The following ABCB1 variants were observed in gnomAD, a reference collection of about 807,000 sequenced individuals.
The protein encoded by ABCB1 is ATP-dependent translocase ABCB1.
In ABCB1, 69 loss-of-function variants were observed where a neutral mutation model predicts 142.0. The ratio of observed to expected loss-of-function variants is 0.49; its 90% CI spans 0.40 to 0.59. The LOEUF (loss-of-function observed/expected upper bound fraction) is 0.59. Among genes scored for constraint, ABCB1 ranks in the 20% least tolerant of loss-of-function variants. ABCB1 has a pLI of 0.00. For synonymous variants in ABCB1, 532 were observed against 539.2 expected, an observed-to-expected ratio of 0.99 and a Z score of 0.18; for missense variants, 1,326 against 1,554.7, an observed-to-expected ratio of 0.85 and a Z score of 2.47.
intron 21 of ABCB1, among the ~76,000 whole-genome samples, chr7:87,526,324 C>T (rs1815781970): frequency 6.6e-6 from 1 of 151,998 alleles, no homozygotes; most frequent in South Asian, 2.1e-4. Flanking sequence ...TCTGGTGGCT[C>T]TCTACCATAG....
At chr7:87,641,249 G>C (rs1254194258) in intron 1 of ABCB1, among the ~76,000 whole-genome samples, 3 of 152,122 alleles carry the variant, frequency 2.0e-5, no homozygotes, top group Non-Finnish European at 4.4e-5. Context: ...GTAAACAGAT[G>C]GAATGCACCA....
chr7:87,669,221 C>T (rs573878403), intron 1 of ABCB1, among the ~76,000 whole-genome samples: 114 of 152,056 alleles, frequency 7.5e-4, no homozygotes, highest in African/African-American at 2.6e-3. Flanking sequence ...AATCCTTTAC[C>T]ATTAAGTAAT....
At chr7:87,671,173 G>A (rs1020477203) in intron 1 of ABCB1, among the ~76,000 whole-genome samples, 3 of 152,220 alleles carry the variant, frequency 2.0e-5, no homozygotes, top group Non-Finnish European at 4.4e-5. Context: ...CACAAGCACT[G>A]TGGGGTGTGT....
intron 1 of ABCB1, among the ~76,000 whole-genome samples, chr7:87,678,179 TGA>T (rs1285101489): frequency 6.6e-6 from 1 of 152,188 alleles, no homozygotes; most frequent in Non-Finnish European, 1.5e-5. Context: ...TCTTTCAATA[TGA>T]CTACTCAAGC....
intron 3 of ABCB1, among the ~76,000 whole-genome samples, chr7:87,595,456 C>G (rs2188525): frequency 6.6e-6 from 1 of 152,042 alleles, no homozygotes; most frequent in Non-Finnish European, 1.5e-5. Flanking sequence ...CCATTAAAGA[C>G]AGCATTCTAT....
chr7:87,709,138 C>A (rs1370802200), intron 1 of ABCB1: 5 of 387,368 alleles, frequency 1.3e-5, no homozygotes, highest in Non-Finnish European at 1.8e-5. Flanking sequence ...GGATTCCATA[C>A]ACATTCAAAT....
chr7:87,626,244 A>G (rs1426259936), intron 1 of ABCB1, among the ~76,000 whole-genome samples: 3 of 55,300 alleles, frequency 5.4e-5, no homozygotes, highest in Non-Finnish European at 7.8e-5. Flanking sequence ...TGTGTCATAT[A>G]TATGTCATAT....
intron 21 of ABCB1, chr7:87,521,411 G>T: frequency 1.5e-6 from 1 of 646,474 alleles, no homozygotes; most frequent in South Asian, 1.8e-5. Context: ...CTTTCTGCCC[G>T]TGGACGCCAC....
At chr7:87,593,362 A>G (rs535609114) in intron 3 of ABCB1, among the ~76,000 whole-genome samples, 129 of 152,090 alleles carry the variant, frequency 8.5e-4, no homozygotes, top group African/African-American at 3.1e-3. Context: ...TCTGATATAA[A>G]TTTAAAAGGC....
At chr7:87,650,217 G>A (rs1823441508) in intron 1 of ABCB1, among the ~76,000 whole-genome samples, 1 of 152,074 alleles carries the variant, frequency 6.6e-6, no homozygotes, top group African/African-American at 2.4e-5. Flanking sequence ...GATTTTAATG[G>A]GGACAATTAG....
At chr7:87,710,044 A>G (rs894509105) in intron 1 of ABCB1, among the ~76,000 whole-genome samples, 7 of 152,160 alleles carry the variant, frequency 4.6e-5, no homozygotes, top group Non-Finnish European at 4.4e-5. Flanking sequence ...CCCAAATTCA[A>G]TAGCTCATGA....
intron 1 of ABCB1, among the ~76,000 whole-genome samples, chr7:87,680,289 G>A (rs1016176279): frequency 6.6e-6 from 1 of 150,562 alleles, no homozygotes; most frequent in African/African-American, 2.5e-5. Flanking sequence ...ATAGACATTT[G>A]GGTTGGTTCC....
chr7:87,625,563 T>C (rs571206597), intron 1 of ABCB1, among the ~76,000 whole-genome samples: 2 of 152,356 alleles, frequency 1.3e-5, no homozygotes, highest in African/African-American at 4.8e-5. Context: ...TGCAGTTTTA[T>C]CTGTGGTTAA....
rs1237225413 is a variant in ABCB1 at position 87,626,336 on chromosome 7, G to GTATATGTGTCATATATATGTGTCATA, written c.-330-25284_-330-25259dup. On this transcript the variant is annotated intron_variant, in intron 1 of 28. Coordinates refer to the ABCB1 transcript ENST00000265724. ...CGTATATGTGTCATATATATGTGTC[G>GTATATGTGTCATATATATGTGTCATA]TATATGTGTCATATATATGTGTCAT... Among the ~76,000 whole-genome samples, 2 of 12,164 alleles carry GTATATGTGTCATATATATGTGTCATA rather than the reference G, an allele frequency of 1.6e-4. 1 individual carries two copies. The highest frequency in any genetic ancestry group is 2.5e-4 in the Non-Finnish European group (2 of 8,002). 8.0% of individuals were successfully genotyped at this position (12,164 alleles called of 152,430 possible).
chr7:87,561,491 T>G, intron 7 of ABCB1, 104 bp from the exon 8 acceptor site: 2 of 1,156,526 alleles, frequency 1.7e-6, no homozygotes, highest in Admixed American at 4.4e-5. Flanking sequence ...CATTAATGCA[T>G]GTGTAGAGCA....
At chr7:87,609,462 A>G (rs1819775238) in intron 1 of ABCB1, among the ~76,000 whole-genome samples, 1 of 152,138 alleles carries the variant, frequency 6.6e-6, no homozygotes, top group Non-Finnish European at 1.5e-5. Context: ...GAACTTGACC[A>G]AAAACACACA....
At chr7:87,644,266 A>C (rs1162966138) in intron 1 of ABCB1, among the ~76,000 whole-genome samples, 1 of 152,214 alleles carries the variant, frequency 6.6e-6, no homozygotes, top group Non-Finnish European at 1.5e-5. Flanking sequence ...GCTTATTATC[A>C]CCTATAGTCA....
chr7:87,543,653 AT>A (rs1584864156), intron 17 of ABCB1, among the ~76,000 whole-genome samples: 1 of 152,200 alleles, frequency 6.6e-6, no homozygotes, highest in East Asian at 1.9e-4. Context: ...AGCCGTTCCT[AT>A]TTGTTTTAAT....
chr7:87,657,914 T>G (rs999458633), intron 1 of ABCB1, among the ~76,000 whole-genome samples: 2 of 152,110 alleles, frequency 1.3e-5, no homozygotes, highest in African/African-American at 4.8e-5. Flanking sequence ...CCTTCCCCTG[T>G]GGGAGCAGTG....
Sources: gnomAD v4.1 joint callset for allele counts (sites outside exome capture counted in the v4.1 genomes callset) on GRCh38, gnomAD v4.1.1 for gene constraint, MANE v1.5 for transcripts, NCBI Gene and HGNC (gene_info 2026-07-23, HGNC 2026-07-21) for gene names.